The following RANBP3 variants were observed in gnomAD, a reference collection of about 807,000 sequenced individuals.
The protein encoded by RANBP3 is ran-binding protein 3.
A neutral mutation model predicts 77.3 loss-of-function variants in RANBP3; 14 were observed. That is an observed-to-expected ratio of 0.18 (90% CI 0.12 to 0.28). The LOEUF is 0.28. Ranked by LOEUF, RANBP3 falls within the 10% of genes least tolerant of loss-of-function variation. The pLI, the probability that RANBP3 is intolerant of heterozygous loss-of-function variation, is 1.00. For missense variants in RANBP3, 586 were observed against 752.3 expected, an observed-to-expected ratio of 0.78 and a Z score of 2.59; for synonymous variants, 315 against 312.4, an observed-to-expected ratio of 1.01 and a Z score of -0.09.
chr19:5,952,927 G>GTCTCT lies in RANBP3; in HGVS notation c.79-1332_79-1331insAGAGA, dbSNP rs2145191582. 6.6e-6 allele frequency among the ~76,000 whole-genome samples: 1 copy of GTCTCT among 152,264 alleles called. No individual in the cohort carries two copies. The highest frequency in any genetic ancestry group is 1.9e-4 in the East Asian group (1 of 5,160). ...CACCCATGTCTGTTGCTACTTGATG[G>GTCTCT]TGAGAGACTTAACACCTCACAAGAG... is the stretch of plus-strand genomic sequence containing the variant. On this transcript the variant is annotated intron_variant, in intron 2 of 16. Coordinates refer to ENST00000340578, the MANE Select transcript of RANBP3 (RefSeq NM_007322.3). This position sits in a 1 kb window ranked among gnomAD's most constrained non-coding sequence, Gnocchi z 4.1.
rs1400572054 is a variant in RANBP3, at chr19:5,952,806, C to T, written c.79-1210G>A. ...CTTCACTCAAAAGTAATCAAGGGGA[C>T]ACTGTCGCCTCTTCGTATCCAGGGC... On this transcript the variant is annotated intron_variant, in intron 2 of 16. Coordinates refer to ENST00000340578, the MANE Select transcript of RANBP3 (RefSeq NM_007322.3). This position sits in a 1 kb window ranked among gnomAD's most constrained non-coding sequence, Gnocchi z 4.1. 6.6e-6 allele frequency among the ~76,000 whole-genome samples: 1 copy of T among 152,200 alleles called. No homozygotes were observed. The highest frequency in any genetic ancestry group is 1.9e-4 in the East Asian group (1 of 5,188).
chr19:5,950,186 C>A (rs7251218), intron 3 of RANBP3, among the ~76,000 whole-genome samples: 1 of 152,144 alleles, frequency 6.6e-6, no homozygotes, highest in Admixed American at 6.5e-5. Context: ...CTTGCTCTGG[C>A]GGCAGTCACG....
chr19:5,950,266 C>T (rs910462644), intron 3 of RANBP3, among the ~76,000 whole-genome samples: 4 of 152,176 alleles, frequency 2.6e-5, no homozygotes, highest in East Asian at 1.9e-4. Context: ...CTCCTTCCCG[C>T]GGCTCCCGTG....
At chr19:5,930,402 A>G (rs754074968) in intron 8 of RANBP3, among the ~76,000 whole-genome samples, 2 of 152,222 alleles carry the variant, frequency 1.3e-5, no homozygotes, top group Non-Finnish European at 2.9e-5. Flanking sequence ...CAAAGATCCA[A>G]TCTGGCTTTT....
In RANBP3 at chr19:5,917,464, G is replaced by C; in HGVS notation, c.*146C>G. The stretch of plus-strand genomic sequence containing the variant: ...CAGTTCCCGAGTCTGCTTTTGAACA[G>C]GACGTGCGGGTCCAGACTGTGGCCG... On this transcript the variant is annotated 3_prime_UTR_variant, in exon 17 of 17. Transcript: ENST00000340578. The C allele has an allele frequency of 1.2e-6, 1 of 864,962 alleles. No homozygotes were observed. The highest frequency in any genetic ancestry group is 1.7e-6 in the Non-Finnish European group (1 of 576,272). 53.6% of individuals were successfully genotyped at this position (864,962 alleles called of 1,614,324 possible).
chr19:5,923,419 CT>C (rs1465146848), intron 12 of RANBP3, 116 bp from the exon 13 acceptor site: 4 of 990,196 alleles, frequency 4.0e-6, no homozygotes, highest in Non-Finnish European at 4.6e-6. Flanking sequence ...CCTGCTGCCC[CT>C]GGCAGGCCTG....
intron 5 of RANBP3, 139 bp from the exon 6 acceptor site, chr19:5,933,618 C>T: frequency 1.6e-6 from 1 of 611,490 alleles, no homozygotes; most frequent in East Asian, 3.1e-5. Context: ...TTCCAAATTA[C>T]AACAGAAGTC....
intron 3 of RANBP3, among the ~76,000 whole-genome samples, chr19:5,944,138 C>G (rs1456936672): frequency 6.6e-6 from 1 of 152,234 alleles, no homozygotes; most frequent in Non-Finnish European, 1.5e-5. Flanking sequence ...GATTATAATG[C>G]TCGTGACCCA....
In RANBP3 at chr19:5,918,398, C is replaced by T. The variant is rs140522612; in HGVS notation, c.1473+98G>A. On this transcript the variant is annotated intron_variant, in intron 15 of 16. Transcript: ENST00000340578. ...CAGGAAGCAACTGAAGCCCCTCCCC[C>T]CTCCCCTCCCCACCGTCCTGCCTGA... 16 of 344,222 alleles carry T rather than the reference C, an allele frequency of 4.6e-5. 2 individuals are homozygous for T. Among genetic ancestry groups the T allele is most frequent in the East Asian group, 3.8e-4 (3 of 7,876 alleles). The allele number at this position is 344,222 out of a possible 1,614,324, so 21.3% of individuals were successfully genotyped here.
At chr19:5,946,589 GA>G (rs1186469521) in intron 3 of RANBP3, among the ~76,000 whole-genome samples, 1 of 152,198 alleles carries the variant, frequency 6.6e-6, no homozygotes, top group Non-Finnish European at 1.5e-5. Flanking sequence ...CAAGAAGACA[GA>G]ACGCGTGCCT....
rs2057772775 is a variant in RANBP3 at position 5,918,399 on chromosome 19, C to G, written c.1473+97G>C. 6 of 380,802 alleles carry G rather than the reference C, an allele frequency of 1.6e-5. 1 individual carries two copies. The highest frequency in any genetic ancestry group is 2.2e-5 in the African/African-American group (1 of 45,432). 23.6% of individuals were successfully genotyped at this position (380,802 alleles called of 1,614,324 possible). A position where few individuals can be genotyped will look rare whatever the true frequency, so the allele number is the denominator to read the frequency against. ...AGGAAGCAACTGAAGCCCCTCCCCC[C>G]TCCCCTCCCCACCGTCCTGCCTGAT... On this transcript the variant is annotated intron_variant, in intron 15 of 16. Coordinates refer to ENST00000340578, the MANE Select transcript of RANBP3 (RefSeq NM_007322.3).
chr19:5,947,996 G>A (rs1005060740), intron 3 of RANBP3, among the ~76,000 whole-genome samples: 3 of 152,310 alleles, frequency 2.0e-5, no homozygotes, highest in East Asian at 1.9e-4. Context: ...TTGTCAGACT[G>A]TCTGGTGTGT....
chr19:5,972,752 C>T (rs1030906744), intron 1 of RANBP3, among the ~76,000 whole-genome samples: 2 of 152,182 alleles, frequency 1.3e-5, no homozygotes, highest in Non-Finnish European at 2.9e-5. Flanking sequence ...ATTCAACCCC[C>T]CTTCTCCACC....
intron 5 of RANBP3, among the ~76,000 whole-genome samples, chr19:5,939,756 C>G (rs1202349114): frequency 4.8e-5 from 1 of 20,978 alleles, no homozygotes; most frequent in Non-Finnish European, 7.5e-5. Context: ...GAACAGCAAA[C>G]CCCAAGACTC....
At chr19:5,919,144 TAGG>T (rs753136531) in intron 14 of RANBP3, among the ~76,000 whole-genome samples, 2 of 152,184 alleles carry the variant, frequency 1.3e-5, no homozygotes, top group Non-Finnish European at 1.5e-5. Flanking sequence ...CTGGTTTCCT[TAGG>T]AGAAGGCAGA....
chr19:5,920,991 C>T, intron 14 of RANBP3: 1 of 434,008 alleles, frequency 2.3e-6, no homozygotes, highest in Non-Finnish European at 4.0e-6. Context: ...CACGGACGAG[C>T]TGGCAGCTGG....
At chr19:5,947,769 A>G (rs2058225767) in intron 3 of RANBP3, among the ~76,000 whole-genome samples, 1 of 152,046 alleles carries the variant, frequency 6.6e-6, no homozygotes, top group Non-Finnish European at 1.5e-5. Flanking sequence ...CTGGTGGCGC[A>G]ACAAGCTCCC....
intron 1 of RANBP3, chr19:5,965,670 C>A (rs1387047977): frequency 6.6e-6 from 1 of 152,162 alleles, no homozygotes; most frequent in South Asian, 2.1e-4. Flanking sequence ...AGCGGTGGCC[C>A]AGGGGAGAAA....
intron 3 of RANBP3, among the ~76,000 whole-genome samples, chr19:5,943,271 AG>A (rs1240027622): frequency 6.6e-6 from 1 of 152,100 alleles, no homozygotes; most frequent in Non-Finnish European, 1.5e-5. Flanking sequence ...GGCTTAGGGG[AG>A]GTGATGCATG....
Sources: gnomAD v4.1 joint callset for allele counts (sites outside exome capture counted in the v4.1 genomes callset) on GRCh38, gnomAD v4.1.1 for gene constraint, Gnocchi (gnomAD v3.1) non-coding constraint, MANE v1.5 for transcripts, NCBI Gene and HGNC (gene_info 2026-07-23, HGNC 2026-07-21) for gene names.